The following CDH13 variants were observed in gnomAD, a reference collection of about 807,000 sequenced individuals.
The protein encoded by CDH13 is cadherin-13.
In CDH13, 24 loss-of-function variants were observed where a neutral mutation model predicts 63.8. The ratio of observed to expected loss-of-function variants is 0.38; its 90% CI spans 0.27 to 0.53. The LOEUF is 0.53. Among genes scored for constraint, CDH13 ranks in the 20% least tolerant of loss-of-function variants. CDH13 has a pLI of 0.85. For missense variants in CDH13, 1,049 were observed against 903.1 expected (o/e 1.16, Z -2.07); for synonymous variants, 503 against 355.3 (o/e 1.42, Z -4.67).
intron 4 of CDH13, among the ~76,000 whole-genome samples, chr16:83,161,577 T>C (rs923470176): frequency 1.3e-5 from 2 of 152,188 alleles, no homozygotes; most frequent in Non-Finnish European, 2.9e-5. Context: ...CTTTTTTTTA[T>C]GGTCTGCCAC....
intron 7 of CDH13, among the ~76,000 whole-genome samples, chr16:83,534,804 T>C (rs1256467964): frequency 6.6e-6 from 1 of 152,268 alleles, no homozygotes; most frequent in Non-Finnish European, 1.5e-5. Context: ...ACAGTTATTC[T>C]TATTTAAATG....
chr16:83,339,876 C>G (rs2090683739), intron 5 of CDH13, among the ~76,000 whole-genome samples: 1 of 152,104 alleles, frequency 6.6e-6, no homozygotes, highest in South Asian at 2.1e-4. Context: ...CTGATTTTAC[C>G]CACTTCCCTG....
chr16:83,094,118 T>C (rs118064293), intron 3 of CDH13, among the ~76,000 whole-genome samples: 1 of 152,288 alleles, frequency 6.6e-6, no homozygotes, highest in East Asian at 1.9e-4. Flanking sequence ...TTGTAACAAA[T>C]AGTTACAAAA....
chr16:82,686,822 C>G (rs1915121245), intron 1 of CDH13, among the ~76,000 whole-genome samples: 2 of 152,112 alleles, frequency 1.3e-5, no homozygotes, highest in Non-Finnish European at 2.9e-5. Flanking sequence ...ATACCCATGG[C>G]CATAACACCC....
intron 2 of CDH13, among the ~76,000 whole-genome samples, chr16:82,941,128 A>C (rs1904281759): frequency 6.6e-6 from 1 of 152,184 alleles, no homozygotes; most frequent in South Asian, 2.1e-4. Context: ...GAAGCTCTGA[A>C]AGCTGACCAG....
In CDH13 at chr16:82,794,140, A is replaced by G. The variant is rs936005614; in HGVS notation, c.46-64222A>G. On this transcript the variant is annotated intron_variant, in intron 1 of 13. Transcript: ENST00000567109. Reference sequence around the variant, plus strand: ...CCAACACAAGTTCGTAAAGTTTCTTAAAAGGTTATGAAATTTTTTTGCAAT... The same window carrying G: ...CCAACACAAGTTCGTAAAGTTTCTTGAAAGGTTATGAAATTTTTTTGCAAT... 3.3e-5 allele frequency among the ~76,000 whole-genome samples: 5 copies of G among 152,148 alleles called. No individual in the cohort carries two copies. In the East Asian group the frequency reaches 9.7e-4, roughly 29 times the overall value.
At chr16:83,113,161 T>A (rs920195513) in intron 3 of CDH13, among the ~76,000 whole-genome samples, 1 of 152,148 alleles carries the variant, frequency 6.6e-6, no homozygotes, top group African/African-American at 2.4e-5. Context: ...AAAGGGAGAA[T>A]TTTCTAAAAA....
intron 1 of CDH13, among the ~76,000 whole-genome samples, chr16:82,671,061 A>G (rs1306704555): frequency 6.6e-6 from 1 of 152,198 alleles, no homozygotes; most frequent in African/African-American, 2.4e-5. Context: ...TCCTCATGCC[A>G]GCCTTTCGTG....
chr16:83,350,514 C>G (rs1277434913), intron 6 of CDH13, among the ~76,000 whole-genome samples: 1 of 151,824 alleles, frequency 6.6e-6, no homozygotes, highest in African/African-American at 2.4e-5. Flanking sequence ...TTCTGAAAGC[C>G]CAGCCACTTT....
At chr16:82,933,823 C>G (rs1440990553) in intron 2 of CDH13, among the ~76,000 whole-genome samples, 2 of 152,226 alleles carry the variant, frequency 1.3e-5, no homozygotes, top group African/African-American at 2.4e-5. Context: ...TCTTAAAGCT[C>G]CAAAATAATC....
intron 3 of CDH13, among the ~76,000 whole-genome samples, chr16:83,054,108 G>A (rs866269381): frequency 3.3e-5 from 5 of 152,234 alleles, no homozygotes; most frequent in East Asian, 3.9e-4. Context: ...AGGCTATACC[G>A]TATTTCCTAG....
At chr16:83,699,424 G>A (rs760049604) in intron 10 of CDH13, among the ~76,000 whole-genome samples, 8 of 152,214 alleles carry the variant, frequency 5.3e-5, no homozygotes, top group Non-Finnish European at 7.3e-5. Context: ...TGCATGCCCC[G>A]TAGCAGCCCA....
intron 4 of CDH13, among the ~76,000 whole-genome samples, chr16:83,170,064 A>G (rs1415344693): frequency 2.6e-5 from 4 of 152,010 alleles, no homozygotes; most frequent in African/African-American, 9.7e-5. Flanking sequence ...GTTTTGTCAC[A>G]TAGCTTTCAT....
Position 83,780,171 on chromosome 16 carries a change from G to C in CDH13, c.1885G>C (p.Asp629His). 6.2e-7 allele frequency: 1 copy of C among 1,606,538 alleles called. No individual in the cohort carries two copies. The highest frequency in any genetic ancestry group is 8.5e-7 in the Non-Finnish European group (1 of 1,176,042). The change falls in exon 12 of 14, where the codon GAT becomes CAT. Residue 629 changes from aspartate to histidine, a missense_variant. Transcript: ENST00000567109. Reference sequence around the variant, plus strand: ...TGAAATCCACAAACAAGCTGTTCCTGATAAAGTCTGGAAGATCTCCAAGAT... The same window carrying C: ...TGAAATCCACAAACAAGCTGTTCCTCATAAAGTCTGGAAGATCTCCAAGAT... ...KFEIHKQAVP[D>H]KVWKISKINN...
intron 2 of CDH13, among the ~76,000 whole-genome samples, chr16:82,925,415 G>T (rs1306990402): frequency 1.3e-5 from 2 of 152,208 alleles, no homozygotes; most frequent in Non-Finnish European, 2.9e-5. Context: ...GCATTTGTAT[G>T]CTGGGAAGGA....
At chr16:83,748,914 G>A (rs1912839552) in intron 11 of CDH13, among the ~76,000 whole-genome samples, 2 of 152,210 alleles carry the variant, frequency 1.3e-5, no homozygotes, top group African/African-American at 4.8e-5. Flanking sequence ...CACAAGGGCA[G>A]AAGGAGGGCA....
At chr16:83,171,366 A>G (rs530862467) in intron 4 of CDH13, among the ~76,000 whole-genome samples, 33 of 152,148 alleles carry the variant, frequency 2.2e-4, no homozygotes, top group Non-Finnish European at 4.4e-4. Flanking sequence ...CCCATGATCC[A>G]GTCACCTGCC....
chr16:82,718,375 G>T (rs186213797), intron 1 of CDH13, among the ~76,000 whole-genome samples: 2 of 152,286 alleles, frequency 1.3e-5, no homozygotes, highest in South Asian at 2.1e-4. Context: ...GGGATTCACC[G>T]CTGACAGCTC....
At chr16:82,761,407 T>C (rs2034851593) in intron 1 of CDH13, among the ~76,000 whole-genome samples, 2 of 152,206 alleles carry the variant, frequency 1.3e-5, no homozygotes, top group Non-Finnish European at 2.9e-5. Context: ...ATTCCTCAGA[T>C]GAGAACATTT....
Sources: gnomAD v4.1 joint callset for allele counts (sites outside exome capture counted in the v4.1 genomes callset) on GRCh38, gnomAD v4.1.1 for gene constraint, MANE v1.5 for transcripts, NCBI Gene and HGNC (gene_info 2026-07-23, HGNC 2026-07-21) for gene names.